Variants in GGT1 observed in about 807,000 individuals in gnomAD.
The protein encoded by GGT1 is gamma-glutamyltransferase 1.
GGT1 carries 21 observed loss-of-function variants against 56.0 expected under a neutral mutation model. The observed-to-expected ratio is 0.38, with a 90% CI of 0.27 to 0.54. GGT1 has a LOEUF of 0.54. GGT1 is among the 20% of genes least tolerant of loss of function. The pLI is 0.82. For missense variants in GGT1, 466 were observed against 787.0 expected (o/e 0.59, Z 4.88); for synonymous variants, 238 against 342.6 (o/e 0.69, Z 3.37).
chr22:24,587,360 T>C, the GGT1 span, among the ~76,000 whole-genome samples: 3 of 152,104 alleles, frequency 2.0e-5, no homozygotes, highest in African/African-American at 7.2e-5. Context: ...ACCAACCCTC[T>C]AGGTCTCTCC....
At chr22:24,587,210 C>G in the GGT1 span, among the ~76,000 whole-genome samples, 2 of 152,112 alleles carry the variant, frequency 1.3e-5, no homozygotes, top group Admixed American at 1.3e-4. Context: ...TACAGGGCAC[C>G]GGGGATAGAG....
At chr22:24,601,053 A>G (rs554764509), upstream of GGT1, among the ~76,000 whole-genome samples, 1 of 152,156 alleles carries the variant, frequency 6.6e-6, no homozygotes, top group East Asian at 1.9e-4. Flanking sequence ...ATTTGAAGTC[A>G]GTTCTATTTA....
chr22:24,585,990 G>A, the GGT1 span: 4 of 1,610,708 alleles, frequency 2.5e-6, no homozygotes, highest in South Asian at 4.4e-5. Flanking sequence ...TCAGGCTCAA[G>A]GTCCAGGCCC....
chr22:24,594,713 T>C (rs2045663344), upstream of GGT1: 2 of 152,312 alleles, frequency 1.3e-5, no homozygotes, highest in African/African-American at 4.8e-5. Context: ...TGGGGCCACC[T>C]TGGCACCACA....
Position 24,619,028 on chromosome 22 carries a change from G to A in GGT1, c.383-1300G>A, listed in dbSNP as rs572857608. Among the ~76,000 whole-genome samples, 25 of 152,266 alleles carry A rather than the reference G, an allele frequency of 1.6e-4. No homozygotes were observed. The East Asian group carries it at 4.6e-3, about 28-fold the overall frequency. ...TCCCAGCATGTTGGGATGCTGAGGT[G>A]GGAGGATTGCTTGAGGCCAGAGTTT... On this transcript the variant is annotated intron_variant, in intron 7 of 15. Coordinates refer to ENST00000400382, the MANE Select transcript of GGT1 (RefSeq NM_001288833.2).
the GGT1 span, chr22:24,589,326 T>C: frequency 8.5e-7 from 1 of 1,170,226 alleles, no homozygotes. Flanking sequence ...GCCTTGCTTA[T>C]GACCCCAGCT....
chr22:24,619,386 G>A lies in GGT1; in HGVS notation c.383-942G>A, dbSNP rs562738625. On this transcript the variant is annotated intron_variant, in intron 7 of 15. Coordinates refer to ENST00000400382, the MANE Select transcript of GGT1 (RefSeq NM_001288833.2). ...GCACTCCAGCCTGGGCAACAAGAGTGAAACTCCATCTCAGAAAAAAAAAAA... is the reference window on the plus strand; with the variant it reads ...GCACTCCAGCCTGGGCAACAAGAGTAAAACTCCATCTCAGAAAAAAAAAAA... Among the ~76,000 whole-genome samples the A allele has an allele frequency of 7.1e-4, 94 of 131,516 alleles. No individual in the cohort carries two copies. In the South Asian group the frequency reaches 0.023, roughly 32 times the overall value. The allele number at this position is 131,516 out of a possible 152,430, so 86.3% of individuals were successfully genotyped here. A position where few individuals can be genotyped will look rare whatever the true frequency, so the allele number is the denominator to read the frequency against.
intron 7 of GGT1, among the ~76,000 whole-genome samples, chr22:24,616,554 CTT>C (rs113675142): frequency 1.4e-4 from 18 of 131,932 alleles, no homozygotes; most frequent in Non-Finnish European, 1.5e-4. Context: ...TTTTTTTTTT[CTT>C]TTTTTTTTTT....
upstream of GGT1, chr22:24,592,542 T>G (rs1221385570): frequency 2.3e-6 from 1 of 438,094 alleles, no homozygotes; most frequent in Non-Finnish European, 4.5e-6. Context: ...GGCTCTTAGG[T>G]CCAGGCTACC....
chr22:24,618,235 T>C (rs552033551), intron 7 of GGT1, among the ~76,000 whole-genome samples: 10 of 152,286 alleles, frequency 6.6e-5, no homozygotes, highest in South Asian at 2.1e-4. Context: ...TTCGTTACTT[T>C]GAAATATACA....
chr22:24,592,803 C>A (rs1279299874), upstream of GGT1: 2 of 1,245,180 alleles, frequency 1.6e-6, no homozygotes, highest in African/African-American at 3.2e-5. Context: ...CCTCCCAGAC[C>A]CCCAGACCCC....
chr22:24,625,055 CTGCAGTGTGGA>C (rs2047662752), intron 11 of GGT1, among the ~76,000 whole-genome samples: 1 of 152,234 alleles, frequency 6.6e-6, no homozygotes, highest in Non-Finnish European at 1.5e-5. Flanking sequence ...TTCCTGGAGT[CTGCAGTGTGGA>C]TGTTTCTGTC....
At chr22:24,608,886 T>C (rs912663423) in intron 2 of GGT1, 1 of 152,234 alleles carries the variant, frequency 6.6e-6, no homozygotes, top group Non-Finnish European at 1.5e-5. Flanking sequence ...CTCAAACTCT[T>C]CACCTCAGGT....
chr22:24,612,421 A>G (rs1225314812), intron 5 of GGT1, among the ~76,000 whole-genome samples: 2 of 150,350 alleles, frequency 1.3e-5, no homozygotes, highest in Non-Finnish European at 3.0e-5. Flanking sequence ...CCAACTCATC[A>G]TTTAGCATTA....
chr22:24,589,419 G>C, the GGT1 span: 1 of 1,019,588 alleles, frequency 9.8e-7, no homozygotes, highest in Non-Finnish European at 1.2e-6. Flanking sequence ...GGCTCTAGCC[G>C]AGAGCGGCTC....
At position 24,628,560 on chromosome 22, in the gene GGT1, C is replaced by G; in HGVS notation, c.1564-133C>G. 1.2e-6 allele frequency: 1 copy of G among 836,322 alleles called. No homozygotes were observed. The highest frequency in any genetic ancestry group is 1.9e-6 in the Non-Finnish European group (1 of 534,598). 51.8% of individuals were successfully genotyped at this position (836,322 alleles called of 1,614,324 possible). A position where few individuals can be genotyped will look rare whatever the true frequency, so the allele number is the denominator to read the frequency against. On this transcript the variant is annotated intron_variant, in intron 15 of 15. Transcript: ENST00000400382. This position sits in a 1 kb window ranked among gnomAD's most constrained non-coding sequence, Gnocchi z 5.7. ...AGCCCCCTGCTCCAGTGAGACCCAG[C>G]AGGCCCCAACCTGCTCTTCCTGATG...
chr22:24,590,038 G>A (rs1189970441), upstream of GGT1: 12 of 1,390,828 alleles, frequency 8.6e-6, no homozygotes, highest in South Asian at 7.6e-5. Context: ...GCTTATGCCC[G>A]TTCCTGTCTC....
At chr22:24,588,927 G>C in the GGT1 span, 1 of 1,003,152 alleles carries the variant, frequency 1.0e-6, no homozygotes, top group Non-Finnish European at 1.2e-6. Context: ...GGAATCCGAG[G>C]TGCGCGGCCC....
chr22:24,588,201 G>A, the GGT1 span: 1 of 1,599,552 alleles, frequency 6.3e-7, no homozygotes, highest in Non-Finnish European at 8.6e-7. Flanking sequence ...GGCAGTGGCT[G>A]GGCTACCCTT....
Sources: allele counts gnomAD v4.1 joint callset (sites outside exome capture counted in the v4.1 genomes callset), GRCh38; gene constraint gnomAD v4.1.1; non-coding constraint Gnocchi (gnomAD v3.1); transcripts MANE v1.5; gene names NCBI Gene and HGNC (gene_info 2026-07-23, HGNC 2026-07-21).